The following ZNF423 variants were observed in gnomAD, a reference collection of about 807,000 sequenced individuals.
ZNF423 encodes Ebf-associated zinc finger protein.
A neutral mutation model predicts 95.8 loss-of-function variants in ZNF423; 12 were observed. The observed-to-expected ratio is 0.13, with a 90% CI of 0.08 to 0.20. The LOEUF is 0.20. Among genes scored for constraint, ZNF423 ranks in the 10% least tolerant of loss-of-function variants. The pLI is 1.00. For missense variants in ZNF423, 1,316 were observed against 1,737.1 expected, an observed-to-expected ratio of 0.76 and a Z score of 4.31; for synonymous variants, 749 against 711.9, an observed-to-expected ratio of 1.05 and a Z score of -0.83.
chr16:49,680,484 G>A (rs1383196539), intron 3 of ZNF423, among the ~76,000 whole-genome samples: 3 of 152,260 alleles, frequency 2.0e-5, no homozygotes, highest in African/African-American at 7.2e-5. Context: ...GAGAAGGACA[G>A]AAGAGCTGCA....
chr16:49,681,319 A>G (rs984537660), intron 3 of ZNF423, among the ~76,000 whole-genome samples: 2 of 152,222 alleles, frequency 1.3e-5, no homozygotes, highest in Non-Finnish European at 2.9e-5. Context: ...CACAGCTCCC[A>G]TGTCTAAATA....
chr16:49,736,526 G>A (rs2033289781), intron 2 of ZNF423, among the ~76,000 whole-genome samples: 1 of 152,244 alleles, frequency 6.6e-6, no homozygotes, highest in Non-Finnish European at 1.5e-5. Context: ...TTTCAGGCCA[G>A]TCACAATGGC....
chr16:49,773,694 T>G (rs1455295216), intron 2 of ZNF423, among the ~76,000 whole-genome samples: 1 of 152,226 alleles, frequency 6.6e-6, no homozygotes, highest in African/African-American at 2.4e-5. Context: ...TGTGCTATAG[T>G]GCAGCTCTGC....
chr16:49,826,507 C>A (rs1187270774), intron 1 of ZNF423, among the ~76,000 whole-genome samples: 1 of 152,188 alleles, frequency 6.6e-6, no homozygotes, highest in East Asian at 1.9e-4. Context: ...CAGTCCCTAA[C>A]CACCTGTGTG....
At chr16:49,750,069 C>G (rs2033605410) in intron 2 of ZNF423, among the ~76,000 whole-genome samples, 1 of 152,326 alleles carries the variant, frequency 6.6e-6, no homozygotes, top group Middle Eastern at 3.4e-3. Context: ...CCGAACAGCC[C>G]ATCTCTGGCT....
At position 49,572,851 on chromosome 16, in the gene ZNF423, C is replaced by G. The variant is rs530858772; in HGVS notation, c.3602-47357G>C. On this transcript the variant is annotated intron_variant, in intron 5 of 7. Coordinates refer to ENST00000563137, the MANE Select transcript of ZNF423 (RefSeq NM_001379286.1). ...GGTCCTAGGCAGAGCTGTGGAGAGA[C>G]TCAACTGTTGTCATAATCCTGGCTC... is the stretch of plus-strand genomic sequence containing the variant. Among the ~76,000 whole-genome samples the G allele has an allele frequency of 2.6e-5, 4 of 152,182 alleles. No individual in the cohort carries two copies. The South Asian group carries it at 8.3e-4, about 32-fold the overall frequency.
intron 3 of ZNF423, among the ~76,000 whole-genome samples, chr16:49,682,783 T>C (rs2031416091): frequency 6.6e-6 from 1 of 152,212 alleles, no homozygotes; most frequent in Admixed American, 6.5e-5. Context: ...ATCTGTAAAA[T>C]GGGAACGATG....
At chr16:49,757,982 CTGTAAAACATCCCTGGCA>C (rs934761801) in intron 2 of ZNF423, among the ~76,000 whole-genome samples, 1 of 152,168 alleles carries the variant, frequency 6.6e-6, no homozygotes, top group African/African-American at 2.4e-5. Flanking sequence ...CCCCAGGTGA[CTGTAAAACATCCCTGGCA>C]TCTCCAGCCT....
chr16:49,839,769 G>A (rs533771461), intron 1 of ZNF423, among the ~76,000 whole-genome samples: 2 of 152,114 alleles, frequency 1.3e-5, no homozygotes, highest in African/African-American at 2.4e-5. Flanking sequence ...AGGGTGAAGA[G>A]ACAGAGGCTC....
intron 3 of ZNF423, among the ~76,000 whole-genome samples, chr16:49,717,826 C>G (rs554648429): frequency 7.9e-5 from 12 of 152,200 alleles, no homozygotes; most frequent in Non-Finnish European, 1.8e-4. Flanking sequence ...AACAGACACT[C>G]TTTCTGCTTC....
chr16:49,591,397 T>C (rs1971006227), intron 5 of ZNF423, among the ~76,000 whole-genome samples: 1 of 152,062 alleles, frequency 6.6e-6, no homozygotes, highest in South Asian at 2.1e-4. Flanking sequence ...AGTATGGGCA[T>C]TGTAAGTCTA....
intron 3 of ZNF423, among the ~76,000 whole-genome samples, chr16:49,692,158 T>C (rs2031808865): frequency 6.6e-6 from 1 of 152,048 alleles, no homozygotes; most frequent in Non-Finnish European, 1.5e-5. Context: ...TCACTTTGTG[T>C]TGCTCAGGCT....
At chr16:49,753,402 G>C (rs2033666903) in intron 2 of ZNF423, among the ~76,000 whole-genome samples, 1 of 144,180 alleles carries the variant, frequency 6.9e-6, no homozygotes, top group African/African-American at 2.6e-5. Flanking sequence ...AGGAGTTTAA[G>C]ACCAGCCTGG....
intron 5 of ZNF423, among the ~76,000 whole-genome samples, chr16:49,559,956 GC>G (rs1969963475): frequency 6.6e-6 from 1 of 152,128 alleles, no homozygotes; most frequent in Non-Finnish European, 1.5e-5. Context: ...TTGGTCTTTG[GC>G]TGTCTAAATG....
At chr16:49,691,346 T>C (rs1182065312) in intron 3 of ZNF423, among the ~76,000 whole-genome samples, 1 of 152,184 alleles carries the variant, frequency 6.6e-6, no homozygotes, top group Non-Finnish European at 1.5e-5. Context: ...CAGACCGGCA[T>C]GGGTTTGCCT....
intron 5 of ZNF423, among the ~76,000 whole-genome samples, chr16:49,537,825 C>T (rs1315882049): frequency 6.6e-6 from 1 of 152,218 alleles, no homozygotes; most frequent in African/African-American, 2.4e-5. Context: ...CGATGGGATG[C>T]CCCAAGCTCA....
intron 5 of ZNF423, among the ~76,000 whole-genome samples, chr16:49,568,735 C>G (rs1310060935): frequency 6.6e-6 from 1 of 152,152 alleles, no homozygotes; most frequent in Admixed American, 6.5e-5. Context: ...ACACCCATTC[C>G]TATTCACTAA....
chr16:49,705,845 G>A (rs2032332619), intron 3 of ZNF423, among the ~76,000 whole-genome samples: 1 of 152,184 alleles, frequency 6.6e-6, no homozygotes, highest in South Asian at 2.1e-4. Context: ...ACTGCGCCCG[G>A]CCCCACAGTA....
At chr16:49,642,848 T>A (rs1462082805) in intron 3 of ZNF423, among the ~76,000 whole-genome samples, 1 of 129,552 alleles carries the variant, frequency 7.7e-6, no homozygotes, top group African/African-American at 3.0e-5. Flanking sequence ...GGGGAAGGAG[T>A]CTCGCCCTGT....
Sources: allele counts gnomAD v4.1 joint callset (sites outside exome capture counted in the v4.1 genomes callset), GRCh38; gene constraint gnomAD v4.1.1; transcripts MANE v1.5; gene names NCBI Gene and HGNC (gene_info 2026-07-23, HGNC 2026-07-21).